PGM5: variants seen among roughly 807,000 people sequenced by gnomAD.
PGM5 encodes phosphoglucomutase 5.
In PGM5, 23 loss-of-function variants were observed where a neutral mutation model predicts 59.2. That is an observed-to-expected ratio of 0.39 (90% CI 0.28 to 0.55). The LOEUF (loss-of-function observed/expected upper bound fraction) is 0.55. Ranked by LOEUF, PGM5 falls within the 20% of genes least tolerant of loss-of-function variation. The probability of loss-of-function intolerance (pLI) is 0.66; values close to 1 mark genes in which losing one functional copy is unlikely to be tolerated. For missense variants in PGM5, 574 were observed against 748.3 expected (o/e 0.77, Z 2.72); for synonymous variants, 214 against 286.0 (o/e 0.75, Z 2.54).
At chr9:68,421,269 G>A (rs1331486219) in intron 6 of PGM5, among the ~76,000 whole-genome samples, 2 of 152,180 alleles carry the variant, frequency 1.3e-5, no homozygotes, top group Non-Finnish European at 2.9e-5. Context: ...CTCACCCCTG[G>A]TGGCTGGCTG....
intron 6 of PGM5, among the ~76,000 whole-genome samples, chr9:68,403,432 C>A (rs548230120): frequency 5.9e-5 from 9 of 152,184 alleles, no homozygotes; most frequent in African/African-American, 2.2e-4. Context: ...TCGAATCATC[C>A]CCAAATCATC....
intron 6 of PGM5, among the ~76,000 whole-genome samples, chr9:68,421,664 C>T (rs953511106): frequency 3.3e-5 from 5 of 152,030 alleles, no homozygotes; most frequent in Admixed American, 2.6e-4. Context: ...TTGCAGTGAG[C>T]GGAGATCATA....
intron 4 of PGM5, among the ~76,000 whole-genome samples, chr9:68,390,099 A>G (rs1216826355): frequency 1.3e-5 from 2 of 152,018 alleles, no homozygotes; most frequent in Non-Finnish European, 2.9e-5. Context: ...GCTTTCTGGC[A>G]TATTTAAGAA....
At chr9:68,466,272 T>TGTGTG (rs1554685804) in intron 7 of PGM5, 163 of 702,546 alleles carry the variant, frequency 2.3e-4, no homozygotes, top group Middle Eastern at 1.0e-3. Context: ...TACTGTGTGT[T>TGTGTG]TTTTTTTTTT....
chr9:68,486,029 G>A (rs1317068426), intron 9 of PGM5, among the ~76,000 whole-genome samples: 2 of 152,224 alleles, frequency 1.3e-5, no homozygotes, highest in African/African-American at 4.8e-5. Context: ...ACATGCATCA[G>A]CATTCAGCCC....
intron 10 of PGM5, among the ~76,000 whole-genome samples, chr9:68,518,061 G>A (rs1367222706): frequency 3.3e-5 from 5 of 152,202 alleles, no homozygotes; most frequent in African/African-American, 9.7e-5. Context: ...TGCTAACCAG[G>A]AGACTAACCA....
intron 10 of PGM5, among the ~76,000 whole-genome samples, chr9:68,511,519 A>G (rs1237584220): frequency 2.7e-5 from 3 of 113,158 alleles, no homozygotes; most frequent in African/African-American, 6.5e-5. Context: ...ATAAATGTTG[A>G]TTGTCACTAA....
At chr9:68,443,861 T>C (rs1823568931) in intron 6 of PGM5, among the ~76,000 whole-genome samples, 3 of 152,226 alleles carry the variant, frequency 2.0e-5, no homozygotes, top group South Asian at 4.1e-4. Context: ...GCTCCTATTA[T>C]GTGGAAATTG....
Position 68,498,655 on chromosome 9 carries a change from G to A in PGM5, c.1480-572G>A, listed in dbSNP as rs550068325. On this transcript the variant is annotated intron_variant, in intron 9 of 10. Coordinates refer to ENST00000396396, the MANE Select transcript of PGM5 (RefSeq NM_021965.4). Reference sequence around the variant, plus strand: ...ATAATTGAGACTTGTCATTTTTCTCGATTGACAGAAGAAAAGACAGAGCCA... The same window carrying A: ...ATAATTGAGACTTGTCATTTTTCTCAATTGACAGAAGAAAAGACAGAGCCA... 2.0e-5 allele frequency: 3 copies of A among 152,456 alleles called. 1 individual carries two copies. The highest frequency in any genetic ancestry group is 7.2e-5 in the African/African-American group (3 of 41,536). 9.4% of individuals were successfully genotyped at this position (152,456 alleles called of 1,614,324 possible). A position where few individuals can be genotyped will look rare whatever the true frequency, so the allele number is the denominator to read the frequency against.
At chr9:68,490,503 C>T (rs544734943) in intron 9 of PGM5, among the ~76,000 whole-genome samples, 63 of 152,230 alleles carry the variant, frequency 4.1e-4, no homozygotes, top group African/African-American at 1.2e-3. Flanking sequence ...TACAGGCATG[C>T]GCCACCATAC....
At chr9:68,501,493 C>T (rs1824572556) in intron 10 of PGM5, among the ~76,000 whole-genome samples, 1 of 152,182 alleles carries the variant, frequency 6.6e-6, no homozygotes, top group South Asian at 2.1e-4. Context: ...GGTTGCTTTC[C>T]AGGACCACCT....
At chr9:68,518,033 T>G (rs1229020451) in intron 10 of PGM5, among the ~76,000 whole-genome samples, 1 of 152,184 alleles carries the variant, frequency 6.6e-6, no homozygotes, top group Non-Finnish European at 1.5e-5. Context: ...GAGGATCTGG[T>G]CTATTACAGT....
At chr9:68,433,819 A>G (rs1205411921) in intron 6 of PGM5, among the ~76,000 whole-genome samples, 1 of 152,248 alleles carries the variant, frequency 6.6e-6, no homozygotes, top group African/African-American at 2.4e-5. Flanking sequence ...TGAAGAGGTC[A>G]GGAAAGATGG....
intron 6 of PGM5, 114 bp from the exon 7 acceptor site, chr9:68,464,979 T>G (rs1823910338): frequency 3.2e-6 from 2 of 617,954 alleles, no homozygotes; most frequent in South Asian, 2.1e-5. Context: ...CTACCCAGGT[T>G]GTTCTGAAAT....
intron 1 of PGM5, among the ~76,000 whole-genome samples, chr9:68,376,921 T>C (rs1307003960): frequency 6.6e-6 from 1 of 151,072 alleles, no homozygotes; most frequent in African/African-American, 2.4e-5. Flanking sequence ...TCTTTCTTTT[T>C]CTTTCTTCTT....
chr9:68,384,816 T>C (rs1268025689), intron 3 of PGM5, among the ~76,000 whole-genome samples: 1 of 148,862 alleles, frequency 6.7e-6, no homozygotes, highest in Non-Finnish European at 1.5e-5. Context: ...ATTCCAAAAA[T>C]AGGCTGTGAA....
chr9:68,369,737 T>A (rs1381108295), intron 1 of PGM5, among the ~76,000 whole-genome samples: 1 of 152,216 alleles, frequency 6.6e-6, no homozygotes, highest in East Asian at 1.9e-4. Context: ...GGTGGTTTGA[T>A]GCTCATGAAC....
intron 2 of PGM5, among the ~76,000 whole-genome samples, chr9:68,382,120 A>G (rs1218175461): frequency 1.1e-4 from 16 of 151,878 alleles, no homozygotes; most frequent in Non-Finnish European, 1.8e-4. Context: ...TTAAAATTAT[A>G]TTACAAAGCT....
At chr9:68,422,435 GTTTTGTTTTGTT>G (rs1414333451) in intron 6 of PGM5, among the ~76,000 whole-genome samples, 5 of 151,414 alleles carry the variant, frequency 3.3e-5, no homozygotes, top group East Asian at 1.9e-4. Context: ...GTGGTTTTTT[GTTTTGTTTTGTT>G]TTTTGTTTTG....
Sources: allele counts gnomAD v4.1 joint callset (sites outside exome capture counted in the v4.1 genomes callset), GRCh38; gene constraint gnomAD v4.1.1; transcripts MANE v1.5; gene names NCBI Gene and HGNC (gene_info 2026-07-23, HGNC 2026-07-21).